Variants in CAPZB observed in about 807,000 individuals in gnomAD.
CAPZB encodes F-actin-capping protein subunit beta.
In CAPZB, 2 loss-of-function variants were observed where a neutral mutation model predicts 38.1. The observed-to-expected ratio is 0.05, with a 90% confidence interval of 0.02 to 0.17. The LOEUF is 0.17. Ranked by LOEUF, CAPZB falls within the 10% of genes least tolerant of loss-of-function variation. The pLI is 1.00. For synonymous variants in CAPZB, 107 were observed against 127.4 expected (o/e 0.84, Z 1.08); for missense variants, 161 against 334.2 (o/e 0.48, Z 4.04).
chr1:19,388,679 A>G (rs2094216405), intron 2 of CAPZB, among the ~76,000 whole-genome samples: 1 of 152,204 alleles, frequency 6.6e-6, no homozygotes, highest in Non-Finnish European at 1.5e-5. Flanking sequence ...AAGGAGCCAC[A>G]GCATTGGTGG....
At chr1:19,412,213 A>G (rs2094360061) in intron 2 of CAPZB, among the ~76,000 whole-genome samples, 2 of 152,190 alleles carry the variant, frequency 1.3e-5, no homozygotes, top group Admixed American at 6.5e-5. Context: ...AACAGAGACT[A>G]TGTAGGGGCT....
chr1:19,457,555 G>A (rs1365160476), intron 1 of CAPZB, among the ~76,000 whole-genome samples: 1 of 152,188 alleles, frequency 6.6e-6, no homozygotes, highest in Non-Finnish European at 1.5e-5. Flanking sequence ...AAACACATAT[G>A]CACAAAAATA....
intron 2 of CAPZB, among the ~76,000 whole-genome samples, chr1:19,415,337 C>T (rs753114908): frequency 4.6e-5 from 7 of 152,234 alleles, no homozygotes; most frequent in South Asian, 4.1e-4. Flanking sequence ...TCCCAGATTA[C>T]ACGAGACAAA....
chr1:19,357,303 A>G lies in CAPZB; in HGVS notation c.471+119T>C. On this transcript the variant is annotated intron_variant, in intron 5 of 8. Coordinates refer to ENST00000264202, the MANE Select transcript of CAPZB (RefSeq NM_004930.5). This position sits in a 1 kb window ranked among gnomAD's most constrained non-coding sequence, Gnocchi z 4.3. ...CAAATGGCTTTGAGGCATTTCTCAG[A>G]ATTAGGGGTTCAGAGATCACAGCAT... is the stretch of plus-strand genomic sequence containing the variant. The G allele has an allele frequency of 1.1e-6, 1 of 893,544 alleles. No homozygotes were observed. The allele number at this position is 893,544 out of a possible 1,614,324, so 55.4% of individuals were successfully genotyped here. A position where few individuals can be genotyped will look rare whatever the true frequency, so the allele number is the denominator to read the frequency against.
chr1:19,399,603 G>A (rs2094292126), intron 2 of CAPZB, among the ~76,000 whole-genome samples: 1 of 152,182 alleles, frequency 6.6e-6, no homozygotes, highest in African/African-American at 2.4e-5. Context: ...CCTGGTCTCT[G>A]CAATGGATGG....
In CAPZB at chr1:19,485,514, T is replaced by C. The variant is rs949571416; in HGVS notation, c.-76A>G. ...CCGCAGCAGGGCCCGGCGCTTCCAC[T>C]TCCCCGGGTGCCCAGGAGTGAACAT... On this transcript the variant is annotated 5_prime_UTR_variant, in exon 1 of 9. Coordinates refer to ENST00000264202, the MANE Select transcript of CAPZB (RefSeq NM_004930.5). 8.7e-7 allele frequency: 1 copy of C among 1,145,692 alleles called. No individual in the cohort carries two copies. Among genetic ancestry groups the C allele is most frequent in the African/African-American group, 1.6e-5 (1 of 61,832 alleles). The allele number at this position is 1,145,692 out of a possible 1,614,324, so 71.0% of individuals were successfully genotyped here.
Position 19,469,741 on chromosome 1 carries a change from TACACACACACACACACACAC to T in CAPZB, c.3+15675_3+15694del, listed in dbSNP as rs60330360. Among the ~76,000 whole-genome samples the T allele has an allele frequency of 8.9e-4, 122 of 136,720 alleles. 1 individual carries two copies. Among genetic ancestry groups the T allele is most frequent in the African/African-American group, 3.1e-3 (111 of 36,158 alleles). The allele number at this position is 136,720 out of a possible 152,430, so 89.7% of individuals were successfully genotyped here. ...AAGATACTCAAAAGGAGGAAAAGAA[TACACACACACACACACACAC>T]ACACACACACACACACACACACACG... On this transcript the variant is annotated intron_variant, in intron 1 of 8. Transcript: ENST00000264202.
intron 1 of CAPZB, among the ~76,000 whole-genome samples, chr1:19,434,941 A>T (rs12136534): frequency 0.13 from 3,960 of 31,362 alleles, 1,964 homozygotes; most frequent in Non-Finnish European, 0.26. Context: ...CCACAGAACA[A>T]GGGGCCTGAT....
At chr1:19,385,719 AC>A (rs2094200467) in intron 2 of CAPZB, 93 bp from the exon 3 acceptor site, 5 of 1,490,628 alleles carry the variant, frequency 3.4e-6, no homozygotes, top group Non-Finnish European at 4.7e-6. Flanking sequence ...TGTGGTCAGT[AC>A]CTTTAACATC....
chr1:19,464,020 CA>C (rs35097598), intron 1 of CAPZB, among the ~76,000 whole-genome samples: 87,232 of 124,572 alleles, frequency 0.7, 29,025 homozygotes, highest in Middle Eastern at 0.79. Context: ...ACTAAAAATA[CA>C]AAAAAAAAAA....
chr1:19,482,534 T>C (rs1332894670), intron 1 of CAPZB, among the ~76,000 whole-genome samples: 1 of 152,230 alleles, frequency 6.6e-6, no homozygotes, highest in African/African-American at 2.4e-5. Flanking sequence ...AAACTGAAGC[T>C]GTGTAAGGAA....
chr1:19,471,691 C>A (rs4912102), intron 1 of CAPZB, among the ~76,000 whole-genome samples: 1 of 151,784 alleles, frequency 6.6e-6, no homozygotes, highest in Non-Finnish European at 1.5e-5. Context: ...GGTGAAACCC[C>A]GTCTCTACTA....
At chr1:19,421,881 T>C (rs752397120) in intron 1 of CAPZB, among the ~76,000 whole-genome samples, 5 of 152,198 alleles carry the variant, frequency 3.3e-5, no homozygotes, top group Admixed American at 6.5e-5. Flanking sequence ...ATTGGGGATA[T>C]TGAGTGCATA....
Position 19,450,165 on chromosome 1 carries a change from A to AAAAAAG in CAPZB, c.4-30416_4-30415insCTTTTT, listed in dbSNP as rs1558273085. Among the ~76,000 whole-genome samples the AAAAAAG allele has an allele frequency of 6.9e-3, 880 of 128,152 alleles. 23 individuals carry two copies. Among genetic ancestry groups the AAAAAAG allele is most frequent in the African/African-American group, 0.027 (833 of 31,182 alleles). The allele number at this position is 128,152 out of a possible 152,430, so 84.1% of individuals were successfully genotyped here. A position where few individuals can be genotyped will look rare whatever the true frequency, so the allele number is the denominator to read the frequency against. On this transcript the variant is annotated intron_variant, in intron 1 of 8. Transcript: ENST00000264202. Reference sequence around the variant, plus strand: ...TCTCCAAAAAAAAAAAAAAAAAAAAAAAAAGAAAAGAAAAGAAAAGAAGAA... The same window carrying AAAAAAG: ...TCTCCAAAAAAAAAAAAAAAAAAAAAAAAAAGAAAAGAAAAGAAAAGAAAAGAAGAA...
intron 2 of CAPZB, among the ~76,000 whole-genome samples, chr1:19,389,061 A>T (rs1271093317): frequency 6.6e-6 from 1 of 152,182 alleles, no homozygotes; most frequent in African/African-American, 2.4e-5. Context: ...TCTTTTGATC[A>T]AAGATAATCT....
chr1:19,454,635 T>A (rs997094077), intron 1 of CAPZB, among the ~76,000 whole-genome samples: 2 of 152,172 alleles, frequency 1.3e-5, no homozygotes, highest in African/African-American at 2.4e-5. Flanking sequence ...GCCACAGAGC[T>A]GCCAAGCAGG....
chr1:19,448,027 C>CAT (rs1450628095), intron 1 of CAPZB, among the ~76,000 whole-genome samples: 1 of 152,194 alleles, frequency 6.6e-6, no homozygotes, highest in Non-Finnish European at 1.5e-5. Context: ...AAACACACTC[C>CAT]CCCAGGAGTG....
intron 2 of CAPZB, among the ~76,000 whole-genome samples, chr1:19,396,078 C>T (rs1484870973): frequency 6.6e-6 from 1 of 152,262 alleles, no homozygotes; most frequent in Non-Finnish European, 1.5e-5. Context: ...CTGCAACCTC[C>T]CAAAGCCGCG....
chr1:19,398,824 C>T (rs1249597344), intron 2 of CAPZB, among the ~76,000 whole-genome samples: 1 of 151,008 alleles, frequency 6.6e-6, no homozygotes, highest in East Asian at 1.9e-4. Context: ...GAGAGCATCT[C>T]TGTCTGTCAA....
Sources: gnomAD v4.1 joint callset for allele counts (sites outside exome capture counted in the v4.1 genomes callset) on GRCh38, gnomAD v4.1.1 for gene constraint, Gnocchi (gnomAD v3.1) non-coding constraint, MANE v1.5 for transcripts, NCBI Gene and HGNC (gene_info 2026-07-23, HGNC 2026-07-21) for gene names.